Variants in RBM47 observed in about 807,000 individuals in gnomAD.
RBM47 encodes the protein RNA binding motif protein 47.
A neutral mutation model predicts 47.1 loss-of-function variants in RBM47; 21 were observed. The ratio of observed to expected loss-of-function variants is 0.45; its 90% CI spans 0.32 to 0.64. The LOEUF is 0.64. Among genes scored for constraint, RBM47 ranks in the 30% least tolerant of loss-of-function variants. RBM47 has a pLI of 0.05. For synonymous variants in RBM47, 375 were observed against 361.7 expected (o/e 1.04, Z -0.42); for missense variants, 708 against 870.9 (o/e 0.81, Z 2.35).
Position 40,438,720 on chromosome 4 carries a change from TG to T in RBM47, c.173del (p.Pro58HisfsTer46). The T allele has an allele frequency of 6.2e-7, 1 of 1,606,540 alleles. No individual in the cohort carries two copies. ...QENGQRKYGG[P>X]PPGWEGPHPQ... is the part of the protein sequence containing the mutation. ...GGTGCGGGCCCTCCCAGCCGGGCGG[TG>T]GGCCGCCGTACTTGCGCTGCCCGTT... On this transcript the variant is annotated frameshift_variant, in exon 4 of 7. Coordinates refer to ENST00000295971, the MANE Select transcript of RBM47 (RefSeq NM_001098634.2). LOFTEE classifies it high-confidence loss of function.
At chr4:40,603,194 T>A (rs1037459389) in intron 1 of RBM47, among the ~76,000 whole-genome samples, 1 of 152,330 alleles carries the variant, frequency 6.6e-6, no homozygotes, top group South Asian at 2.1e-4. Flanking sequence ...GAACTTTATA[T>A]AAAAGAGATT....
rs1425927902 is a variant in RBM47 at position 40,436,458 on chromosome 4, G to A, written c.1313C>T (p.Ala438Val). 6.2e-7 allele frequency: 1 copy of A among 1,613,810 alleles called. No homozygotes were observed. Among genetic ancestry groups the A allele is most frequent in the Admixed American group, 1.7e-5 (1 of 60,024 alleles). ...ATACTGACCTGTACCAGGTTTAATG[G>A]CAACTGGGTTGACGGTAGGGATTTC... is the stretch of plus-strand genomic sequence containing the variant. ...NLEIPTVNPV[A>V]IKPGTVAIPA... Residue 438 changes from alanine to valine, a missense_variant, in exon 5 of 7, where the codon GCC (alanine) becomes GTC (valine). Physicochemically the swap from Ala to Val is moderately conservative, Grantham distance 64. Transcript: ENST00000295971.
At chr4:40,553,261 ATAT>A (rs1319353653) in intron 1 of RBM47, among the ~76,000 whole-genome samples, 2 of 148,290 alleles carry the variant, frequency 1.3e-5, no homozygotes, top group African/African-American at 2.5e-5. Flanking sequence ...TTCTTTGCTC[ATAT>A]TATTATCTGA....
chr4:40,579,401 G>A (rs1193492033), intron 1 of RBM47, among the ~76,000 whole-genome samples: 1 of 132,422 alleles, frequency 7.6e-6, no homozygotes, highest in African/African-American at 3.0e-5. Context: ...CAGCCTGGGT[G>A]ACAGAGCGAG....
intron 2 of RBM47, among the ~76,000 whole-genome samples, chr4:40,474,531 CTG>C (rs1226110856): frequency 6.6e-6 from 1 of 152,156 alleles, no homozygotes; most frequent in Non-Finnish European, 1.5e-5. Context: ...TCTGCAATAA[CTG>C]AAATTCTTGG....
At chr4:40,476,596 T>G (rs1719645260) in intron 2 of RBM47, among the ~76,000 whole-genome samples, 1 of 152,058 alleles carries the variant, frequency 6.6e-6, no homozygotes, top group Non-Finnish European at 1.5e-5. Flanking sequence ...CCTGAGGCAC[T>G]TAAGCTGAGT....
intron 5 of RBM47, among the ~76,000 whole-genome samples, chr4:40,434,948 G>A (rs535182623): frequency 1.2e-4 from 19 of 152,110 alleles, no homozygotes; most frequent in African/African-American, 3.9e-4. Flanking sequence ...GAGGAGGGTC[G>A]TGCCAATTAC....
Position 40,451,633 on chromosome 4 carries a change from G to A in RBM47, c.-31-12709C>T, listed in dbSNP as rs532717330. Among the ~76,000 whole-genome samples the A allele has an allele frequency of 2.0e-5, 3 of 152,240 alleles. No individual in the cohort carries two copies. In the East Asian group the frequency reaches 5.8e-4, roughly 29 times the overall value. Reference sequence around the variant, plus strand: ...TACTATGAACAATCACTGAAAATGGGCTTCTGGGATACAGTCAATTCACTG... The same window carrying A: ...TACTATGAACAATCACTGAAAATGGACTTCTGGGATACAGTCAATTCACTG... On this transcript the variant is annotated intron_variant, in intron 3 of 6. Transcript: ENST00000295971.
chr4:40,429,382 G>C (rs1398454141), intron 6 of RBM47, among the ~76,000 whole-genome samples: 1 of 151,542 alleles, frequency 6.6e-6, no homozygotes, highest in South Asian at 2.1e-4. Flanking sequence ...AAATTGTGAA[G>C]AAGGAAAAAA....
rs1420650308 is a variant in RBM47 at position 40,562,853 on chromosome 4, C to G, written c.-239-18347G>C. Among the ~76,000 whole-genome samples the G allele has an allele frequency of 3.3e-5, 5 of 152,162 alleles. 1 individual carries two copies. The highest frequency in any genetic ancestry group is 1.2e-4 in the African/African-American group (5 of 41,446). ...ATATATAGCTGCTCAGGAGCTGCAT[C>G]ATTTTTTAGAAGCGACAGCAACAAT... On this transcript the variant is annotated intron_variant, in intron 1 of 6. Coordinates refer to ENST00000295971, the MANE Select transcript of RBM47 (RefSeq NM_001098634.2).
chr4:40,537,723 A>C (rs1406755356), intron 2 of RBM47, among the ~76,000 whole-genome samples: 1 of 152,210 alleles, frequency 6.6e-6, no homozygotes, highest in Non-Finnish European at 1.5e-5. Flanking sequence ...AGCAGATCTC[A>C]GCAACATCTT....
intron 1 of RBM47, among the ~76,000 whole-genome samples, chr4:40,580,527 C>T (rs893464166): frequency 6.6e-6 from 1 of 152,144 alleles, no homozygotes; most frequent in Non-Finnish European, 1.5e-5. Context: ...GACCACAGCA[C>T]GGTGATGGTT....
intron 2 of RBM47, among the ~76,000 whole-genome samples, chr4:40,473,025 G>A (rs16852230): frequency 0.047 from 7,172 of 152,198 alleles, 552 homozygotes; most frequent in African/African-American, 0.16. Context: ...TGTCCCTCAT[G>A]AAATGAACAC....
intron 3 of RBM47, among the ~76,000 whole-genome samples, chr4:40,464,614 A>T (rs1474070848): frequency 1.3e-5 from 2 of 152,050 alleles, no homozygotes; most frequent in African/African-American, 4.8e-5. Flanking sequence ...AAAATTAAAC[A>T]ATCAGCCAGG....
intron 6 of RBM47, among the ~76,000 whole-genome samples, chr4:40,430,847 G>T (rs3114380): frequency 0.081 from 12,354 of 152,284 alleles, 1,138 homozygotes; most frequent in African/African-American, 0.22. Flanking sequence ...AGCACTTGGG[G>T]AGCTTGAGGT....
intron 2 of RBM47, among the ~76,000 whole-genome samples, chr4:40,524,237 A>T (rs939565162): frequency 5.3e-5 from 8 of 152,076 alleles, no homozygotes; most frequent in Non-Finnish European, 1.0e-4. Context: ...GCCAAATCTC[A>T]TGTGGCAAGT....
chr4:40,561,389 G>A lies in RBM47; in HGVS notation c.-239-16883C>T, dbSNP rs555387710. 7.9e-5 allele frequency among the ~76,000 whole-genome samples: 12 copies of A among 151,628 alleles called. No homozygotes were observed. In the East Asian group the frequency reaches 1.9e-3, roughly 24 times the overall value. On this transcript the variant is annotated intron_variant, in intron 1 of 6. Coordinates refer to ENST00000295971, the MANE Select transcript of RBM47 (RefSeq NM_001098634.2). ...TCGGATTACAGGCATGCACCATTAC[G>A]CCTAGCTAATTTTTGTATTTTCAGT... is the stretch of plus-strand genomic sequence containing the variant.
chr4:40,445,320 C>T (rs568789149), intron 3 of RBM47, among the ~76,000 whole-genome samples: 1 of 151,872 alleles, frequency 6.6e-6, no homozygotes, highest in Non-Finnish European at 1.5e-5. Flanking sequence ...GCCTTTCCCC[C>T]TCTTCCAAGC....
At chr4:40,500,478 G>T (rs1723212107) in intron 2 of RBM47, among the ~76,000 whole-genome samples, 1 of 152,074 alleles carries the variant, frequency 6.6e-6, no homozygotes, top group South Asian at 2.1e-4. Context: ...GGGTGTGGTG[G>T]TATGTGCCTA....
Sources: gnomAD v4.1 joint callset for allele counts (sites outside exome capture counted in the v4.1 genomes callset) on GRCh38, gnomAD v4.1.1 for gene constraint, MANE v1.5 for transcripts, NCBI Gene and HGNC (gene_info 2026-07-23, HGNC 2026-07-21) for gene names.